Variants in BIRC6 observed in about 807,000 individuals in gnomAD.
BIRC6 encodes dual E2 ubiquitin-conjugating enzyme/E3 ubiquitin-protein ligase BIRC6.
A neutral mutation model predicts 503.3 loss-of-function variants in BIRC6; 98 were observed. The ratio of observed to expected loss-of-function variants is 0.19; its 90% CI spans 0.17 to 0.23. The LOEUF is 0.23. Ranked by LOEUF, BIRC6 falls within the 10% of genes least tolerant of loss-of-function variation. The pLI, the probability that BIRC6 is intolerant of heterozygous loss-of-function variation, is 1.00. For missense variants in BIRC6, 5,360 were observed against 5,806.0 expected (o/e 0.92, Z 2.50); for synonymous variants, 2,240 against 2,078.7 (o/e 1.08, Z -2.11).
intron 22 of BIRC6, among the ~76,000 whole-genome samples, chr2:32,450,715 G>A (rs2046615476): frequency 6.6e-6 from 1 of 152,018 alleles, no homozygotes. Flanking sequence ...AGGACTCCTC[G>A]CAGACAACAA....
At chr2:32,446,738 G>GTTTTTCTTT in intron 21 of BIRC6, among the ~76,000 whole-genome samples, 1 of 34,856 alleles carries the variant, frequency 2.9e-5, no homozygotes, top group East Asian at 1.4e-3. Flanking sequence ...CCTCTGCGCT[G>GTTTTTCTTT]TTTTTTTTTT....
intron 12 of BIRC6, among the ~76,000 whole-genome samples, chr2:32,432,508 G>A (rs1365821382): frequency 6.6e-6 from 1 of 152,050 alleles, no homozygotes; most frequent in Non-Finnish European, 1.5e-5. Flanking sequence ...TGTAATCCTA[G>A]CATTTTGGGA....
intron 62 of BIRC6, among the ~76,000 whole-genome samples, chr2:32,544,300 A>G (rs1312024507): frequency 6.6e-6 from 1 of 152,128 alleles, no homozygotes; most frequent in Non-Finnish European, 1.5e-5. Flanking sequence ...CTTAGATTAA[A>G]GAGAACAGAA....
chr2:32,483,953 T>C (rs981796606), intron 39 of BIRC6, among the ~76,000 whole-genome samples: 2 of 152,210 alleles, frequency 1.3e-5, no homozygotes, highest in African/African-American at 2.4e-5. Context: ...TAAAAATGTT[T>C]TGTTCTCATT....
chr2:32,506,208 G>A (rs1173791368), intron 50 of BIRC6, among the ~76,000 whole-genome samples: 1 of 152,118 alleles, frequency 6.6e-6, no homozygotes, highest in Non-Finnish European at 1.5e-5. Context: ...TGCCAGAATT[G>A]TTTAAATTAA....
At chr2:32,497,552 A>G (rs2052621014) in intron 45 of BIRC6, among the ~76,000 whole-genome samples, 1 of 152,102 alleles carries the variant, frequency 6.6e-6, no homozygotes, top group East Asian at 1.9e-4. Flanking sequence ...TGGACTATTC[A>G]GGTTTTCTCT....
intron 65 of BIRC6, among the ~76,000 whole-genome samples, chr2:32,560,610 C>T (rs1226465855): frequency 2.0e-5 from 3 of 152,056 alleles, no homozygotes; most frequent in African/African-American, 7.2e-5. Flanking sequence ...CAGTCATAGT[C>T]TTCTCTGCCA....
chr2:32,456,440 A>G (rs1442457540), intron 23 of BIRC6, among the ~76,000 whole-genome samples: 1 of 152,094 alleles, frequency 6.6e-6, no homozygotes, highest in East Asian at 1.9e-4. Flanking sequence ...TAGACATTTG[A>G]GTTGTTTCAT....
intron 62 of BIRC6, among the ~76,000 whole-genome samples, chr2:32,545,363 C>A (rs2057984353): frequency 1.3e-5 from 2 of 152,080 alleles, no homozygotes; most frequent in South Asian, 4.1e-4. Flanking sequence ...AGTTTAAATT[C>A]TAGTTCGTAA....
In BIRC6 at chr2:32,525,527, G is replaced by A. The variant is rs2056192066; in HGVS notation, c.11819G>A (p.Gly3940Glu). 1 of 1,613,882 alleles carries A rather than the reference G, an allele frequency of 6.2e-7. No individual in the cohort carries two copies. Among genetic ancestry groups the A allele is most frequent in the African/African-American group, 1.3e-5 (1 of 75,036 alleles). The part of the protein sequence containing the change: ...ATPPRPPSRR[G>E]RTIPDKIGST... ...CCACCTCGCCCACCATCCAGGAGGG[G>A]GAGGACAATACCTGATAAAATAGGA... The change falls in exon 59 of 74, where the codon GGG becomes GAG. Residue 3940 changes from glycine to glutamate, a missense_variant. Gly to Glu is a moderately conservative substitution (Grantham distance 98). Transcript: ENST00000421745.
chr2:32,485,032 T>C (rs1289254468), intron 39 of BIRC6, among the ~76,000 whole-genome samples: 2 of 152,238 alleles, frequency 1.3e-5, no homozygotes, highest in Admixed American at 6.5e-5. Flanking sequence ...TTTACTTTAA[T>C]CTGCCCCACC....
intron 66 of BIRC6, among the ~76,000 whole-genome samples, chr2:32,589,389 A>G (rs900155395): frequency 1.3e-5 from 2 of 152,166 alleles, no homozygotes; most frequent in African/African-American, 4.8e-5. Context: ...TACCTAAGCA[A>G]TGGGAGATCA....
At chr2:32,561,917 CTG>C (rs2059219394) in intron 65 of BIRC6, among the ~76,000 whole-genome samples, 1 of 151,736 alleles carries the variant, frequency 6.6e-6, no homozygotes, top group African/African-American at 2.4e-5. Context: ...TGGTGGGCCC[CTG>C]TAATCGCAGC....
intron 36 of BIRC6, among the ~76,000 whole-genome samples, chr2:32,479,153 C>G (rs371365236): frequency 2.0e-5 from 3 of 152,138 alleles, no homozygotes; most frequent in Admixed American, 2.0e-4. Flanking sequence ...TCATATATAA[C>G]ATAAGGATAA....
chr2:32,470,486 T>C (rs1298774675), intron 31 of BIRC6, among the ~76,000 whole-genome samples, 185 bp downstream of exon 31: 5 of 151,524 alleles, frequency 3.3e-5, no homozygotes, highest in African/African-American at 1.2e-4. Context: ...CTTTTAAAAT[T>C]TATTCCTTTT....
intron 61 of BIRC6, among the ~76,000 whole-genome samples, chr2:32,540,551 T>G (rs2057582755): frequency 6.6e-6 from 1 of 152,070 alleles, no homozygotes; most frequent in Admixed American, 6.5e-5. Flanking sequence ...ACTTTTCAGT[T>G]TTGACTTTCA....
chr2:32,561,657 A>G (rs886326352), intron 65 of BIRC6, among the ~76,000 whole-genome samples: 33 of 151,314 alleles, frequency 2.2e-4, no homozygotes, highest in Non-Finnish European at 4.3e-4. Context: ...TTTTGAACCT[A>G]AAGTTTTTTT....
intron 6 of BIRC6, among the ~76,000 whole-genome samples, chr2:32,400,266 C>T (rs1240284354): frequency 6.7e-6 from 1 of 149,894 alleles, no homozygotes; most frequent in Non-Finnish European, 1.5e-5. Flanking sequence ...ATAGTGAATA[C>T]ATAAGGTATA....
At chr2:32,577,298 T>A (rs1275537077) in intron 66 of BIRC6, among the ~76,000 whole-genome samples, 1 of 152,192 alleles carries the variant, frequency 6.6e-6, no homozygotes, top group Non-Finnish European at 1.5e-5. Context: ...CCTGTATTTC[T>A]GTACCTTACA....
Sources: allele counts gnomAD v4.1 joint callset (sites outside exome capture counted in the v4.1 genomes callset), GRCh38; gene constraint gnomAD v4.1.1; transcripts MANE v1.5; gene names NCBI Gene and HGNC (gene_info 2026-07-23, HGNC 2026-07-21).